Variants in CRAT observed in about 807,000 individuals in gnomAD.
CRAT encodes the protein carnitine O-acetyltransferase, also known as carnitine acetylase.
In CRAT, 66 loss-of-function variants were observed where a neutral mutation model predicts 73.7. That is an observed-to-expected ratio of 0.90 (90% CI 0.73 to 1.10). CRAT has a LOEUF of 1.10. Ranked by LOEUF, CRAT falls within the 50% of genes least tolerant of loss-of-function variation. The probability of loss-of-function intolerance (pLI) is 0.00; values close to 1 mark genes in which losing one functional copy is unlikely to be tolerated. For missense variants in CRAT, 745 were observed against 846.9 expected (o/e 0.88, Z 1.49); for synonymous variants, 321 against 343.2 (o/e 0.94, Z 0.71).
chr9:129,097,489 C>A (rs1451765550), intron 11 of CRAT, among the ~76,000 whole-genome samples, 177 bp from the exon 12 acceptor site: 1 of 151,852 alleles, frequency 6.6e-6, no homozygotes, highest in African/African-American at 2.4e-5. Flanking sequence ...CAGGTGGATC[C>A]CTTGAGGTCA....
In CRAT at chr9:129,098,596, C is replaced by T; in HGVS notation, c.1140G>A (p.Lys380=). ...SPLVPLPMPK[K]LRFNITPEIK... ...TCTCGGGGGTGATGTTGAACCGCAGCTTCTTGGGCATGGGCAGGGGCACCA... is the reference window on the plus strand; with the variant it reads ...TCTCGGGGGTGATGTTGAACCGCAGTTTCTTGGGCATGGGCAGGGGCACCA... Residue 380 remains lysine, a synonymous_variant, in exon 9 of 14, where the codon AAG becomes AAA. Transcript: ENST00000318080. 1 of 1,599,188 alleles carries T rather than the reference C, an allele frequency of 6.3e-7. No individual in the cohort carries two copies. Among genetic ancestry groups the T allele is most frequent in the Non-Finnish European group, 8.5e-7 (1 of 1,176,196 alleles).
intron 1 of CRAT, chr9:129,109,076 TG>T (rs973673293): frequency 1.3e-5 from 16 of 1,273,698 alleles, no homozygotes; most frequent in African/African-American, 9.2e-5. Context: ...AGAGGGCTAG[TG>T]GGGGGGCATT....
rs1847235328 is a variant in CRAT, at chr9:129,095,613, C to G, written c.1666-1G>C. 6.2e-7 allele frequency: 1 copy of G among 1,611,762 alleles called. No homozygotes were observed. Among genetic ancestry groups the G allele is most frequent in the Non-Finnish European group, 8.5e-7 (1 of 1,179,462 alleles). On this transcript the variant is annotated splice_acceptor_variant, in intron 13 of 13. Transcript: ENST00000318080. LOFTEE classifies it high-confidence loss of function. ...TGACACAGTCTGTCTTGGCAGGGACCTGGGGACGGCAGGATGAAAGCTCTC... is the reference window on the plus strand; with the variant it reads ...TGACACAGTCTGTCTTGGCAGGGACGTGGGGACGGCAGGATGAAAGCTCTC...
chr9:129,100,818 C>G (rs1847627991), intron 6 of CRAT, 129 bp from the exon 7 acceptor site: 1 of 1,146,180 alleles, frequency 8.7e-7, no homozygotes, highest in South Asian at 1.6e-5. Context: ...ATGAGGAGAC[C>G]CCCCACCTCG....
At position 129,107,720 on chromosome 9, in the gene CRAT, G is replaced by A. The variant is rs1214651852; in HGVS notation, c.291+94C>T. ...CAGAGTATGTGCTCACGAAACTCTG[G>A]GCAGCAAACGAACGGCCGTGCCAGA... On this transcript the variant is annotated intron_variant, in intron 2 of 13. Coordinates refer to ENST00000318080, the MANE Select transcript of CRAT (RefSeq NM_000755.5). This position sits in a 1 kb window ranked among gnomAD's most constrained non-coding sequence, Gnocchi z 5.0. 2.5e-6 allele frequency: 4 copies of A among 1,577,920 alleles called. No homozygotes were observed. The highest frequency in any genetic ancestry group is 3.5e-6 in the Non-Finnish European group (4 of 1,153,398).
chr9:129,104,148 G>A, intron 3 of CRAT, 40 bp downstream of exon 3: 2 of 1,493,690 alleles, frequency 1.3e-6, no homozygotes, highest in South Asian at 2.4e-5. Flanking sequence ...GAACTCGAGG[G>A]GCCCGGCTGC....
chr9:129,100,228 G>C (rs1847575392), intron 7 of CRAT: 4 of 582,652 alleles, frequency 6.9e-6, no homozygotes, highest in Non-Finnish European at 1.2e-5. Flanking sequence ...GGTGTGGAGA[G>C]GGACTGTTGT....
Position 129,110,501 on chromosome 9 carries a change from G to A in CRAT, c.9C>T (p.Ala3=), listed in dbSNP as rs1312693691. The part of the protein sequence containing the change: ML[A]FAARTVVKPL... Reference sequence around the variant, plus strand: ...CACTCACCACGGTCCTGGCAGCGAAGGCTAACATCTTCGCTGCCCGTCCGC... The same window carrying A: ...CACTCACCACGGTCCTGGCAGCGAAAGCTAACATCTTCGCTGCCCGTCCGC... Residue 3 remains alanine, a synonymous_variant, in exon 1 of 14, where the codon GCC becomes GCT. Coordinates refer to ENST00000318080, the MANE Select transcript of CRAT (RefSeq NM_000755.5). This position sits in a 1 kb window ranked among gnomAD's most constrained non-coding sequence, Gnocchi z 5.3. 6.3e-7 allele frequency: 1 copy of A among 1,581,858 alleles called. No individual in the cohort carries two copies. Among genetic ancestry groups the A allele is most frequent in the Admixed American group, 1.7e-5 (1 of 57,796 alleles).
In CRAT at chr9:129,103,024, G is replaced by A; in HGVS notation, c.453C>T (p.Val151=). 6.2e-7 allele frequency: 1 copy of A among 1,614,044 alleles called. No individual in the cohort carries two copies. Among genetic ancestry groups the A allele is most frequent in the Non-Finnish European group, 8.5e-7 (1 of 1,179,920 alleles). Residue 151 remains valine (V), a synonymous_variant, in exon 4 of 14, where the codon GTC becomes GTT. Transcript: ENST00000318080. This position sits in a 1 kb window ranked among gnomAD's most constrained non-coding sequence, Gnocchi z 4.6. ...KLIEGVLDFK[V]MIDNETLPVE... is the part of the protein sequence containing the mutation. ...GTGGGGATGCTCACTTGTCAATCAT[G>A]ACCTTGAAATCCAACACACCCTCAA...
chr9:129,098,606 A>G lies in CRAT; in HGVS notation c.1130T>C (p.Met377Thr). The change falls in exon 9 of 14, where the codon ATG becomes ACG. Residue 377 changes from methionine to threonine, a missense_variant. Coordinates refer to ENST00000318080, the MANE Select transcript of CRAT (RefSeq NM_000755.5). The stretch of plus-strand genomic sequence containing the variant: ...GATGTTGAACCGCAGCTTCTTGGGC[A>G]TGGGCAGGGGCACCAGGGGAGACCG... The part of the protein sequence containing the change: ...LVRSPLVPLP[M>T]PKKLRFNITP... The G allele has an allele frequency of 6.2e-7, 1 of 1,601,134 alleles. No individual in the cohort carries two copies. Among genetic ancestry groups the G allele is most frequent in the Non-Finnish European group, 8.5e-7 (1 of 1,176,648 alleles).
chr9:129,104,730 G>C (rs1847896325), intron 2 of CRAT, among the ~76,000 whole-genome samples: 1 of 151,052 alleles, frequency 6.6e-6, no homozygotes, highest in Non-Finnish European at 1.5e-5. Flanking sequence ...TCAGCCTCCT[G>C]AGTAAGTGGG....
In CRAT at chr9:129,096,005, G is replaced by A. The variant is rs1370851790; in HGVS notation, c.1658C>T (p.Thr553Ile). The A allele has an allele frequency of 5.0e-6, 8 of 1,613,878 alleles. No homozygotes were observed. Among genetic ancestry groups the A allele is most frequent in the Non-Finnish European group, 6.8e-6 (8 of 1,180,026 alleles). Residue 553 changes from threonine to isoleucine, a missense_variant, in exon 13 of 14, where the codon ACC (threonine) becomes ATC (isoleucine). Coordinates refer to ENST00000318080, the MANE Select transcript of CRAT (RefSeq NM_000755.5). ...CCTGGGGCAGTGGCCCACCTGGCTG[G>A]TGGAGAGGTGGAAGTGCATGGCGAT... ...YAIAMHFHLS[T>I]SQVPAKTDCV... is the part of the protein sequence containing the mutation.
intron 1 of CRAT, chr9:129,109,018 T>C: frequency 8.1e-7 from 1 of 1,228,626 alleles, no homozygotes; most frequent in Non-Finnish European, 1.0e-6. Context: ...CTCTAGAAGC[T>C]GCTCCACCCT....
intron 1 of CRAT, chr9:129,109,270 G>GT: frequency 3.8e-6 from 5 of 1,304,128 alleles, no homozygotes; most frequent in Non-Finnish European, 5.1e-6. Context: ...ACAGCCCTGG[G>GT]ATCGGTCCTG....
At position 129,102,394 on chromosome 9, in the gene CRAT, A is replaced by T. The variant is rs763129846; in HGVS notation, c.630+6T>A. On this transcript the variant is annotated splice_donor_region_variant and intron_variant, in intron 5 of 13. Coordinates refer to ENST00000318080, the MANE Select transcript of CRAT (RefSeq NM_000755.5). ...GGGCTTGTAGGTGTGGGTGGGGGCC[A>T]CCCACCTGGTAGTTGTGTACCACGG... 4 of 1,613,986 alleles carry T rather than the reference A, an allele frequency of 2.5e-6. No individual in the cohort carries two copies. The highest frequency in any genetic ancestry group is 3.4e-6 in the Non-Finnish European group (4 of 1,179,934).
At chr9:129,105,612 G>A (rs552198252) in intron 2 of CRAT, among the ~76,000 whole-genome samples, 4 of 152,258 alleles carry the variant, frequency 2.6e-5, no homozygotes, top group African/African-American at 4.8e-5. Context: ...GTGAGCCACC[G>A]CGTCTGGCCC....
chr9:129,104,333 G>A, intron 2 of CRAT, 27 bp from the exon 3 acceptor site: 1 of 1,590,804 alleles, frequency 6.3e-7, no homozygotes, highest in Non-Finnish European at 8.6e-7. Flanking sequence ...AGCCTGTCAG[G>A]AGGGGTGCAT....
chr9:129,108,616 C>T (rs185196577), intron 1 of CRAT: 7 of 1,122,680 alleles, frequency 6.2e-6, no homozygotes, highest in East Asian at 5.9e-5. Context: ...AGTGCTGTGG[C>T]GAGAGAGCCG....
chr9:129,107,440 A>C lies in CRAT; in HGVS notation c.291+374T>G, dbSNP rs966497960. The stretch of plus-strand genomic sequence containing the variant: ...TGGGTACACCTGTGTCATAGATCAG[A>C]TACAGAACCTGGGCGATCGGTCACT... On this transcript the variant is annotated intron_variant, in intron 2 of 13. Transcript: ENST00000318080. The surrounding 1 kb of genome is among the most constrained non-coding windows in gnomAD (Gnocchi z 5.0). 2.2e-5 allele frequency: 13 copies of C among 595,924 alleles called. No individual in the cohort carries two copies. Among genetic ancestry groups the C allele is most frequent in the Non-Finnish European group, 3.0e-5 (10 of 333,394 alleles). The allele number at this position is 595,924 out of a possible 1,614,324, so 36.9% of individuals were successfully genotyped here. A position where few individuals can be genotyped will look rare whatever the true frequency, so the allele number is the denominator to read the frequency against.
Sources: gnomAD v4.1 joint callset for allele counts (sites outside exome capture counted in the v4.1 genomes callset) on GRCh38, gnomAD v4.1.1 for gene constraint, Gnocchi (gnomAD v3.1) non-coding constraint, MANE v1.5 for transcripts, NCBI Gene and HGNC (gene_info 2026-07-23, HGNC 2026-07-21) for gene names.